Variants in TAF1 observed in about 807,000 individuals in gnomAD.
TAF1 encodes TATA-box binding protein associated factor 1.
A neutral mutation model predicts 138.5 loss-of-function variants in TAF1; 2 were observed. That is an observed-to-expected ratio of 0.01 (90% CI 0.01 to 0.05). The LOEUF is 0.05. Ranked by LOEUF, TAF1 falls within the 10% of genes least tolerant of loss-of-function variation. The pLI is 1.00. For missense variants in TAF1, 709 were observed against 1,478.0 expected (o/e 0.48, Z 8.53); for synonymous variants, 437 against 503.2 (o/e 0.87, Z 1.76).
chrX:71,373,482 G>A (rs1038411653), intron 3 of TAF1, among the ~76,000 whole-genome samples: 1 of 110,640 alleles, frequency 9.0e-6, no homozygotes. Flanking sequence ...CTTACTATTT[G>A]TAATGATCAA....
At chrX:71,452,559 C>T (rs1021818423) in intron 32 of TAF1, among the ~76,000 whole-genome samples, 1 of 108,038 alleles carries the variant, frequency 9.3e-6, no homozygotes, top group African/African-American at 3.4e-5. Context: ...CGGGTAGAGA[C>T]GCTCCTCACT....
At chrX:71,479,634 G>GAAGGA (rs935331416) in intron 13 of TAF1, among the ~76,000 whole-genome samples, 3 of 111,643 alleles carry the variant, frequency 2.7e-5, no homozygotes, top group Admixed American at 9.6e-5. Flanking sequence ...ATCTTGCAGG[G>GAAGGA]AAGGAAAGGA....
intron 28 of TAF1, among the ~76,000 whole-genome samples, chrX:71,416,367 C>G (rs1253006036): frequency 9.6e-6 from 1 of 104,271 alleles, no homozygotes; most frequent in Non-Finnish European, 2.0e-5. Context: ...GCCTGGATGA[C>G]AGATGGAGAC....
chrX:71,424,058 A>G lies in TAF1; in HGVS notation c.4660A>G (p.Ile1554Val). The part of the protein sequence containing the change: ...VIVNPMDLET[I>V]RKNISKHKYQ... ...TGTCAATCCAATGGATTTAGAGACC[A>G]TACGTAAGGTGAGTGAGTGATTTGA... The change falls in exon 31 of 38, where the codon ATA (isoleucine) becomes GTA (valine). Residue 1554 changes from isoleucine (I) to valine (V), a missense_variant. Coordinates refer to ENST00000423759, the MANE Select transcript of TAF1 (RefSeq NM_004606.5). 4.1e-6 allele frequency: 5 copies of G among 1,208,871 alleles called. No homozygotes were observed. The highest frequency in any genetic ancestry group is 4.5e-6 in the Non-Finnish European group (4 of 893,561).
chrX:71,389,537 T>G (rs1438804591), intron 17 of TAF1, 48 bp from the exon 18 acceptor site: 1 of 1,099,313 alleles, frequency 9.1e-7, no homozygotes, highest in South Asian at 2.0e-5. Flanking sequence ...AACTTGTGCT[T>G]TGTGTTTTTT....
At chrX:71,367,135 CAG>C (rs770713837) in intron 1 of TAF1, among the ~76,000 whole-genome samples, 63 of 112,434 alleles carry the variant, frequency 5.6e-4, no homozygotes, top group African/African-American at 1.8e-3. Context: ...GCATGCGAAA[CAG>C]GGACCGAACG....
At chrX:71,517,578 G>T (rs2039847045) in intron 13 of TAF1, among the ~76,000 whole-genome samples, 1 of 111,787 alleles carries the variant, frequency 8.9e-6, no homozygotes, top group Non-Finnish European at 1.9e-5. Flanking sequence ...GCAAGAATAT[G>T]GGAACTTCAG....
intron 28 of TAF1, among the ~76,000 whole-genome samples, chrX:71,417,320 A>G (rs779864582): frequency 2.8e-4 from 31 of 110,501 alleles, no homozygotes; most frequent in African/African-American, 9.9e-4. Flanking sequence ...GTGGCCCCTC[A>G]ACCATGGACT....
At chrX:71,422,715 T>C (rs2036412150) in intron 29 of TAF1, among the ~76,000 whole-genome samples, 2 of 111,120 alleles carry the variant, frequency 1.8e-5, no homozygotes, top group South Asian at 7.5e-4. Context: ...CTAGCTGAAC[T>C]TAAATTATCC....
chrX:71,385,550 A>C (rs769218819), intron 14 of TAF1, among the ~76,000 whole-genome samples: 133 of 110,700 alleles, frequency 1.2e-3, no homozygotes, highest in African/African-American at 4.3e-3. Context: ...CAAGGGGGGA[A>C]GTATGATGGT....
chrX:71,508,606 G>GAAAA (rs1298001093), intron 13 of TAF1, among the ~76,000 whole-genome samples: 3 of 38,447 alleles, frequency 7.8e-5, no homozygotes, highest in East Asian at 9.2e-4. Flanking sequence ...CCCTGTCTCT[G>GAAAA]AAAAAAAAAA....
At chrX:71,523,548 A>G (rs2039942506) in intron 13 of TAF1, among the ~76,000 whole-genome samples, 1 of 112,347 alleles carries the variant, frequency 8.9e-6, no homozygotes, top group African/African-American at 3.2e-5. Flanking sequence ...TTCTTTAAAT[A>G]TATTATGGCT....
chrX:71,412,188 A>T (rs1055685533), intron 28 of TAF1, among the ~76,000 whole-genome samples: 9 of 104,658 alleles, frequency 8.6e-5, no homozygotes, highest in Non-Finnish European at 1.6e-4. Flanking sequence ...ACAGTGGTAC[A>T]GTCATAGCTC....
intron 13 of TAF1, among the ~76,000 whole-genome samples, chrX:71,507,459 G>T (rs2039648622): frequency 1.8e-5 from 2 of 111,314 alleles, no homozygotes; most frequent in South Asian, 7.6e-4. Context: ...TGAACTCCTG[G>T]CCTCAAGCAA....
At chrX:71,454,330 T>C in intron 33 of TAF1, 93 bp downstream of exon 33, 2 of 797,641 alleles carry the variant, frequency 2.5e-6, no homozygotes, top group African/African-American at 2.1e-5. Flanking sequence ...GGTCTGGTGG[T>C]ACACAGCTGG....
chrX:71,507,585 C>T (rs1276124353), intron 13 of TAF1, among the ~76,000 whole-genome samples: 1 of 110,103 alleles, frequency 9.1e-6, no homozygotes, highest in Non-Finnish European at 1.9e-5. Context: ...GCTGACACTA[C>T]AAGTGTGTGC....
chrX:71,481,527 A>G (rs769107979), intron 13 of TAF1, among the ~76,000 whole-genome samples: 14 of 111,862 alleles, frequency 1.3e-4, no homozygotes, highest in African/African-American at 4.2e-4. Flanking sequence ...TCCGTGAGGA[A>G]TGGGCTCTAC....
chrX:71,373,492 A>G (rs58902842), intron 3 of TAF1, among the ~76,000 whole-genome samples: 3,858 of 111,358 alleles, frequency 0.035, 173 homozygotes, highest in African/African-American at 0.12. Flanking sequence ...GTAATGATCA[A>G]TTGGATAAAT....
chrX:71,401,215 A>G (rs1235657858), intron 24 of TAF1, among the ~76,000 whole-genome samples: 1 of 111,706 alleles, frequency 9.0e-6, no homozygotes, highest in Non-Finnish European at 1.9e-5. Flanking sequence ...GTGCATAACA[A>G]TTCTATTAGA....
Sources: allele counts gnomAD v4.1 joint callset (sites outside exome capture counted in the v4.1 genomes callset), GRCh38; gene constraint gnomAD v4.1.1; transcripts MANE v1.5; gene names NCBI Gene and HGNC (gene_info 2026-07-23, HGNC 2026-07-21).